Variants in XKR6 observed in about 807,000 individuals in gnomAD.
XKR6 encodes XK-related protein 6.
In XKR6, 22 loss-of-function variants were observed where a neutral mutation model predicts 56.7. The ratio of observed to expected loss-of-function variants is 0.39; its 90% confidence interval spans 0.28 to 0.55. The LOEUF is 0.55. XKR6 is among the 20% of genes least tolerant of loss of function. XKR6 has a pLI of 0.66. For missense variants in XKR6, 852 were observed against 889.0 expected (o/e 0.96, Z 0.53); for synonymous variants, 524 against 387.8 (o/e 1.35, Z -4.13).
At chr8:11,138,994 A>G (rs1261383799) in intron 1 of XKR6, among the ~76,000 whole-genome samples, 3 of 152,086 alleles carry the variant, frequency 2.0e-5, no homozygotes, top group Admixed American at 2.0e-4. Context: ...ATAGTTAGCT[A>G]GTTGCCACAT....
At chr8:11,163,503 T>C (rs887737063) in intron 1 of XKR6, among the ~76,000 whole-genome samples, 2 of 152,234 alleles carry the variant, frequency 1.3e-5, no homozygotes, top group Non-Finnish European at 2.9e-5. Context: ...CATCTGTAAC[T>C]ATTTCCCTGC....
chr8:10,896,917 G>A lies in XKR6; in HGVS notation c.*1035C>T, dbSNP rs528736238. ...CAGCCTTAAAATGATGGAACTAATC[G>A]TTGTTGCCAGTCACTGATTAAGTAT... On this transcript the variant is annotated 3_prime_UTR_variant, in exon 3 of 3. Coordinates refer to ENST00000416569, the MANE Select transcript of XKR6 (RefSeq NM_173683.4). 1.3e-5 allele frequency: 2 copies of A among 152,502 alleles called. No individual in the cohort carries two copies. Among genetic ancestry groups the A allele is most frequent in the East Asian group, 3.8e-4 (2 of 5,196 alleles). 9.4% of individuals were successfully genotyped at this position (152,502 alleles called of 1,614,324 possible).
At chr8:11,139,142 T>G (rs377514863) in intron 1 of XKR6, among the ~76,000 whole-genome samples, 10 of 152,200 alleles carry the variant, frequency 6.6e-5, no homozygotes, top group African/African-American at 2.4e-4. Flanking sequence ...GCAATTTTAC[T>G]CTCTTGGCCT....
intron 1 of XKR6, among the ~76,000 whole-genome samples, chr8:11,199,233 T>A (rs1352239552): frequency 1.3e-5 from 2 of 152,192 alleles, no homozygotes. Context: ...CACCCTCACT[T>A]CCCCTAGCCT....
At chr8:11,173,963 T>C (rs7004825) in intron 1 of XKR6, among the ~76,000 whole-genome samples, 89,869 of 152,106 alleles carry the variant, frequency 0.59, 29,752 homozygotes, top group African/African-American at 0.88. Context: ...CTCGGGTGCT[T>C]TGGGATGAGG....
intron 1 of XKR6, among the ~76,000 whole-genome samples, chr8:10,968,463 C>T (rs1035325181): frequency 6.6e-5 from 10 of 152,220 alleles, no homozygotes; most frequent in Non-Finnish European, 1.3e-4. Flanking sequence ...GCCTATGGCC[C>T]CCTTCGGTTG....
At chr8:11,109,712 A>C (rs575508831) in intron 1 of XKR6, 1 of 152,358 alleles carries the variant, frequency 6.6e-6, no homozygotes, top group Admixed American at 6.5e-5. Flanking sequence ...TCAGCATCTA[A>C]GATGGCCTTT....
chr8:11,027,268 C>T (rs1399457548), intron 1 of XKR6, among the ~76,000 whole-genome samples: 1 of 152,204 alleles, frequency 6.6e-6, no homozygotes, highest in Non-Finnish European at 1.5e-5. Flanking sequence ...CTCATATATG[C>T]AGTCCACCAT....
At chr8:11,116,466 G>C (rs1799179645) in intron 1 of XKR6, among the ~76,000 whole-genome samples, 1 of 152,110 alleles carries the variant, frequency 6.6e-6, no homozygotes, top group Non-Finnish European at 1.5e-5. Context: ...CACCTCCTGG[G>C]TTCAAGCGAT....
intron 1 of XKR6, among the ~76,000 whole-genome samples, chr8:11,007,776 G>C (rs967757789): frequency 1.3e-5 from 2 of 152,224 alleles, no homozygotes; most frequent in African/African-American, 4.8e-5. Context: ...GGTGCCTGCA[G>C]TCTATCTCTG....
Position 11,050,512 on chromosome 8 carries a change from G to C in XKR6, c.765-125682C>G, listed in dbSNP as rs1161643370. ...TTTTTAGGTCCCCAGCCAAATCCAA[G>C]GGACAGAAAAGGGAGAAAAGAGAGG... On this transcript the variant is annotated intron_variant, in intron 1 of 2. Coordinates refer to ENST00000416569, the MANE Select transcript of XKR6 (RefSeq NM_173683.4). Among the ~76,000 whole-genome samples, 8 of 149,680 alleles carry C rather than the reference G, an allele frequency of 5.3e-5. 1 individual carries two copies. Among genetic ancestry groups the C allele is most frequent in the African/African-American group, 1.5e-4 (6 of 40,530 alleles).
At chr8:11,009,124 G>A (rs568869184) in intron 1 of XKR6, among the ~76,000 whole-genome samples, 2 of 152,192 alleles carry the variant, frequency 1.3e-5, no homozygotes, top group South Asian at 4.2e-4. Context: ...GGAGCTTCTT[G>A]ATCTTTAGCT....
intron 1 of XKR6, among the ~76,000 whole-genome samples, chr8:11,122,616 A>T (rs983221220): frequency 1.3e-5 from 2 of 152,270 alleles, no homozygotes; most frequent in African/African-American, 4.8e-5. Context: ...TTTAGATATC[A>T]GGCCAATTCT....
intron 1 of XKR6, among the ~76,000 whole-genome samples, chr8:11,069,334 C>A (rs562019830): frequency 4.1e-4 from 63 of 152,272 alleles, no homozygotes; most frequent in Non-Finnish European, 6.2e-4. Context: ...GCAGAAGCAG[C>A]CCCCCTGGTC....
At chr8:10,926,062 T>C (rs1381230183) in intron 1 of XKR6, among the ~76,000 whole-genome samples, 2 of 152,126 alleles carry the variant, frequency 1.3e-5, no homozygotes, top group African/African-American at 2.4e-5. Flanking sequence ...GGGATGGACA[T>C]TCTAGGACCC....
chr8:11,055,374 C>A (rs898848405), intron 1 of XKR6, among the ~76,000 whole-genome samples: 3 of 152,256 alleles, frequency 2.0e-5, no homozygotes, highest in Middle Eastern at 3.4e-3. Flanking sequence ...CCTGACCCAG[C>A]AGGATTCTTG....
At chr8:11,112,409 T>C (rs1465787615) in intron 1 of XKR6, among the ~76,000 whole-genome samples, 2 of 152,060 alleles carry the variant, frequency 1.3e-5, no homozygotes, top group Non-Finnish European at 2.9e-5. Context: ...TAGGCCTTTT[T>C]TGAAAAAGAA....
At chr8:10,999,682 AT>A (rs1798195506) in intron 1 of XKR6, among the ~76,000 whole-genome samples, 2 of 152,214 alleles carry the variant, frequency 1.3e-5, no homozygotes, top group African/African-American at 4.8e-5. Flanking sequence ...AGCTACCAAA[AT>A]AAAAGTTCCA....
intron 1 of XKR6, among the ~76,000 whole-genome samples, chr8:11,192,927 C>A (rs1293852409): frequency 6.6e-6 from 1 of 152,218 alleles, no homozygotes; most frequent in African/African-American, 2.4e-5. Context: ...ACTTCACTGG[C>A]AAGCTTCCCA....
Sources: gnomAD v4.1 joint callset for allele counts (sites outside exome capture counted in the v4.1 genomes callset) on GRCh38, gnomAD v4.1.1 for gene constraint, MANE v1.5 for transcripts, NCBI Gene and HGNC (gene_info 2026-07-23, HGNC 2026-07-21) for gene names.